SV2C: variants seen among roughly 807,000 people sequenced by gnomAD.
SV2C encodes synaptic vesicle glycoprotein 2C.
A neutral mutation model predicts 79.7 loss-of-function variants in SV2C; 49 were observed. The ratio of observed to expected loss-of-function variants is 0.61; its 90% CI spans 0.49 to 0.78. The LOEUF (loss-of-function observed/expected upper bound fraction) is 0.78, where lower values mean the gene tolerates loss of function less well. Ranked by LOEUF, SV2C falls within the 30% of genes least tolerant of loss-of-function variation. The probability of loss-of-function intolerance (pLI) is 0.00; values close to 1 mark genes in which losing one functional copy is unlikely to be tolerated. For synonymous variants in SV2C, 334 were observed against 333.2 expected, an observed-to-expected ratio of 1.00 and a Z score of -0.03; for missense variants, 833 against 912.9, an observed-to-expected ratio of 0.91 and a Z score of 1.13.
the SV2C span, among the ~76,000 whole-genome samples, chr5:75,996,807 A>G: frequency 6.7e-6 from 1 of 150,124 alleles, no homozygotes; most frequent in South Asian, 2.1e-4. Context: ...GTGTATAGGA[A>G]CGCTTGTGAT....
chr5:75,850,546 A>C, the SV2C span, among the ~76,000 whole-genome samples: 1 of 152,156 alleles, frequency 6.6e-6, no homozygotes, highest in Non-Finnish European at 1.5e-5. Flanking sequence ...CTAATGTCAT[A>C]GGTAGGTAGT....
At chr5:75,948,629 G>A in the SV2C span, among the ~76,000 whole-genome samples, 1 of 152,008 alleles carries the variant, frequency 6.6e-6, no homozygotes, top group South Asian at 2.1e-4. Context: ...ATTTGATAAG[G>A]CGACGTTTGT....
intron 2 of SV2C, among the ~76,000 whole-genome samples, chr5:76,186,406 G>A (rs753067397): frequency 5.3e-5 from 8 of 152,154 alleles, no homozygotes; most frequent in Non-Finnish European, 1.2e-4. Context: ...AAGGAAAAGA[G>A]GTTGGCCAGG....
At chr5:76,006,389 T>G in the SV2C span, among the ~76,000 whole-genome samples, 1 of 152,182 alleles carries the variant, frequency 6.6e-6, no homozygotes, top group East Asian at 1.9e-4. Context: ...AAATGGTTTT[T>G]GTTTAGGCAA....
chr5:76,068,106 G>A, the SV2C span, among the ~76,000 whole-genome samples: 1 of 152,098 alleles, frequency 6.6e-6, no homozygotes, highest in East Asian at 1.9e-4. Context: ...AAATAATGCT[G>A]ATGATAATAG....
At chr5:75,954,706 T>C in the SV2C span, among the ~76,000 whole-genome samples, 407 of 149,532 alleles carry the variant, frequency 2.7e-3, 1 homozygote, top group African/African-American at 9.7e-3. Flanking sequence ...TCTCAGGATA[T>C]AAAATCAATG....
chr5:76,197,707 C>CAGATAGATAGATAGATAGATAGAT (rs4026946), intron 3 of SV2C, among the ~76,000 whole-genome samples: 47,149 of 145,286 alleles, frequency 0.32, 8,097 homozygotes, highest in African/African-American at 0.37. Context: ...GATAGACAGG[C>CAGATAGATAGATAGATAGATAGAT]AGATAGATAG....
At chr5:76,195,289 C>A (rs1201654073) in intron 3 of SV2C, among the ~76,000 whole-genome samples, 190 bp downstream of exon 3, 1 of 152,136 alleles carries the variant, frequency 6.6e-6, no homozygotes, top group African/African-American at 2.4e-5. Flanking sequence ...CAGAAGGGAA[C>A]ACACACCTAT....
Position 76,327,228 on chromosome 5 carries a change from C to T in SV2C, c.*1681C>T, listed in dbSNP as rs1749038142. 6.6e-6 allele frequency: 1 copy of T among 152,058 alleles called. No homozygotes were observed. Among genetic ancestry groups the T allele is most frequent in the Non-Finnish European group, 1.5e-5 (1 of 68,054 alleles). 9.4% of individuals were successfully genotyped at this position (152,058 alleles called of 1,614,324 possible). On this transcript the variant is annotated 3_prime_UTR_variant, in exon 13 of 13. Coordinates refer to ENST00000502798, the MANE Select transcript of SV2C (RefSeq NM_014979.4). Reference sequence around the variant, plus strand: ...TAACATAAGCCATTAATCGACTTCCCCTTGAAGTAATTCAGGTCTGCAGAG... The same window carrying T: ...TAACATAAGCCATTAATCGACTTCCTCTTGAAGTAATTCAGGTCTGCAGAG...
chr5:76,118,775 A>G (rs1425452404), intron 1 of SV2C, among the ~76,000 whole-genome samples: 1 of 152,220 alleles, frequency 6.6e-6, no homozygotes, highest in Non-Finnish European at 1.5e-5. Context: ...TGAGGACAGG[A>G]GTTCGAGACC....
the SV2C span, among the ~76,000 whole-genome samples, chr5:76,014,172 GAAA>G: frequency 2.3e-5 from 2 of 86,892 alleles, no homozygotes; most frequent in Non-Finnish European, 4.6e-5. Flanking sequence ...AAGGAAGGAA[GAAA>G]GAAAGAAAGA....
chr5:76,211,396 G>T (rs1744762710), intron 4 of SV2C, among the ~76,000 whole-genome samples: 1 of 152,086 alleles, frequency 6.6e-6, no homozygotes. Flanking sequence ...GAAATGCATG[G>T]AAAGGTCAAT....
chr5:75,944,871 G>T, the SV2C span, among the ~76,000 whole-genome samples: 1 of 151,992 alleles, frequency 6.6e-6, no homozygotes, highest in Non-Finnish European at 1.5e-5. Context: ...TCCACCATTT[G>T]GTGCAGGCAC....
chr5:75,884,273 A>G, the SV2C span, among the ~76,000 whole-genome samples: 1 of 152,146 alleles, frequency 6.6e-6, no homozygotes, highest in African/African-American at 2.4e-5. Context: ...CCAACGTGGT[A>G]ATTTAGGAAT....
intron 2 of SV2C, among the ~76,000 whole-genome samples, chr5:76,179,811 G>C (rs1378151226): frequency 6.6e-6 from 1 of 152,186 alleles, no homozygotes; most frequent in Non-Finnish European, 1.5e-5. Flanking sequence ...GTGTCTGCCT[G>C]TTTCAGGAAA....
rs1313072335 is a variant in SV2C at position 76,285,764 on chromosome 5, C to T, written c.1048-17C>T. On this transcript the variant is annotated splice_polypyrimidine_tract_variant and intron_variant, in intron 5 of 12. Transcript: ENST00000502798. Reference sequence around the variant, plus strand: ...TGTGTCACTCCTAGCGCTTCACTGTCCACTCTCATTTCTTAGGTTGGAAAA... The same window carrying T: ...TGTGTCACTCCTAGCGCTTCACTGTTCACTCTCATTTCTTAGGTTGGAAAA... 6 of 1,610,132 alleles carry T rather than the reference C, an allele frequency of 3.7e-6. No homozygotes were observed. The highest frequency in any genetic ancestry group is 1.3e-5 in the African/African-American group (1 of 74,778).
At chr5:76,337,575 A>G (rs1749352938), downstream of SV2C, among the ~76,000 whole-genome samples, 1 of 152,196 alleles carries the variant, frequency 6.6e-6, no homozygotes, top group South Asian at 2.1e-4. Flanking sequence ...ATATTGTTAT[A>G]GAAGGGAATG....
the SV2C span, among the ~76,000 whole-genome samples, chr5:75,947,428 A>G: frequency 6.6e-6 from 1 of 151,770 alleles, no homozygotes; most frequent in Non-Finnish European, 1.5e-5. Flanking sequence ...CCCTTGGAAA[A>G]TTCCATCCCT....
At position 76,186,490 on chromosome 5, in the gene SV2C, G is replaced by GAT. The variant is rs1344420313; in HGVS notation, c.581-8428_581-8427dup. On this transcript the variant is annotated intron_variant, in intron 2 of 12. Coordinates refer to ENST00000502798, the MANE Select transcript of SV2C (RefSeq NM_014979.4). The stretch of plus-strand genomic sequence containing the variant: ...GCAGATCACCTGAGATCAGGAGTTC[G>GAT]ATCCCAGCCTGGCCAACATGGTGAA... Among the ~76,000 whole-genome samples the GAT allele has an allele frequency of 1.2e-4, 18 of 152,210 alleles. No homozygotes were observed. The East Asian group carries it at 3.5e-3, about 29-fold the overall frequency.
Sources: gnomAD v4.1 joint callset for allele counts (sites outside exome capture counted in the v4.1 genomes callset) on GRCh38, gnomAD v4.1.1 for gene constraint, MANE v1.5 for transcripts, NCBI Gene and HGNC (gene_info 2026-07-23, HGNC 2026-07-21) for gene names.